Variants in ATP5MJ observed in about 807,000 individuals in gnomAD.
The protein encoded by ATP5MJ is ATP synthase membrane subunit j.
In ATP5MJ, 4 loss-of-function variants were observed where a neutral mutation model predicts 8.3. The observed-to-expected ratio is 0.48, with a 90% CI of 0.24 to 1.11. The LOEUF is 1.11. ATP5MJ is among the 50% of genes least tolerant of loss of function. ATP5MJ has a pLI of 0.18. For synonymous variants in ATP5MJ, 23 were observed against 21.3 expected (o/e 1.08, Z -0.23); for missense variants, 66 against 71.8 (o/e 0.92, Z 0.29).
chr14:103,917,567 G>C (rs2087635381), intron 1 of ATP5MJ, among the ~76,000 whole-genome samples: 1 of 152,066 alleles, frequency 6.6e-6, no homozygotes, highest in African/African-American at 2.4e-5. Flanking sequence ...GCAGCTGGTG[G>C]GGGCTGCAGA....
chr14:103,915,009 C>A (rs2087613816), intron 2 of ATP5MJ, 57 bp downstream of exon 2: 2 of 1,608,804 alleles, frequency 1.2e-6, no homozygotes, highest in Non-Finnish European at 1.7e-6. Context: ...AATTGTGATT[C>A]TTTTTGAAAA....
chr14:103,918,423 G>GC (rs1457110628), intron 1 of ATP5MJ, among the ~76,000 whole-genome samples: 1 of 151,814 alleles, frequency 6.6e-6, no homozygotes, highest in African/African-American at 2.4e-5. Context: ...GTGCAGTGGC[G>GC]GATCTCGGCT....
chr14:103,912,434 A>C lies in ATP5MJ; in HGVS notation c.*232T>G, dbSNP rs577512237. On this transcript the variant is annotated 3_prime_UTR_variant, in exon 4 of 4. Coordinates refer to ENST00000286953, the MANE Select transcript of ATP5MJ (RefSeq NM_004894.3). ...GTGAGATTCTGATTGCATGCGCTGCATGACAAATTATCTACTCAGAGTATG... is the reference window on the plus strand; with the variant it reads ...GTGAGATTCTGATTGCATGCGCTGCCTGACAAATTATCTACTCAGAGTATG... 10 of 526,150 alleles carry C rather than the reference A, an allele frequency of 1.9e-5. No individual in the cohort carries two copies. Among genetic ancestry groups the C allele is most frequent in the African/African-American group, 1.9e-4 (10 of 53,346 alleles). The allele number at this position is 526,150 out of a possible 1,614,324, so 32.6% of individuals were successfully genotyped here.
intron 2 of ATP5MJ, chr14:103,914,858 G>GAAAAAAAGAAAAAAAAA (rs1314714313): frequency 6.1e-6 from 2 of 329,542 alleles, no homozygotes; most frequent in Admixed American, 1.4e-4. Flanking sequence ...AAAAAAAAAA[G>GAAAAAAAGAAAAAAAAA]AAAAGAAAAG....
intron 1 of ATP5MJ, among the ~76,000 whole-genome samples, chr14:103,920,761 C>T (rs1403204208): frequency 6.6e-6 from 1 of 152,194 alleles, no homozygotes; most frequent in Non-Finnish European, 1.5e-5. Flanking sequence ...TGAACCACCG[C>T]GCCCGGCCGG....
intron 3 of ATP5MJ, 55 bp from the exon 4 acceptor site, chr14:103,912,749 A>T: frequency 6.5e-7 from 1 of 1,543,934 alleles, no homozygotes; most frequent in Non-Finnish European, 8.9e-7. Context: ...AACAAGTTGG[A>T]TGTAATTTAT....
chr14:103,912,643 A>C lies in ATP5MJ; in HGVS notation c.*23T>G. The C allele has an allele frequency of 1.2e-6, 2 of 1,613,146 alleles. No homozygotes were observed. Among genetic ancestry groups the C allele is most frequent in the Non-Finnish European group, 1.7e-6 (2 of 1,179,330 alleles). On this transcript the variant is annotated 3_prime_UTR_variant, in exon 4 of 4. Transcript: ENST00000286953. ...TACAGGCAGACTGACGTTTTCTTTC[A>C]CATGTACTCCAAGTAAATCTGGTTA...
Position 103,921,509 on chromosome 14 carries a change from T to G in ATP5MJ, c.-40A>C, listed in dbSNP as rs974798259. 2.0e-5 allele frequency: 3 copies of G among 153,628 alleles called. No individual in the cohort carries two copies. Among genetic ancestry groups the G allele is most frequent in the African/African-American group, 7.2e-5 (3 of 41,476 alleles). The allele number at this position is 153,628 out of a possible 1,614,324, so 9.5% of individuals were successfully genotyped here. A position where few individuals can be genotyped will look rare whatever the true frequency, so the allele number is the denominator to read the frequency against. ...GACGGCTCAGAACGCACCACAAATC[T>G]GCAGCCAACTCGGAAAGGTCACCGA... On this transcript the variant is annotated 5_prime_UTR_variant, in exon 1 of 4. Transcript: ENST00000286953.
chr14:103,920,398 C>G (rs893099035), intron 1 of ATP5MJ, among the ~76,000 whole-genome samples: 1 of 150,266 alleles, frequency 6.7e-6, no homozygotes, highest in Admixed American at 6.7e-5. Context: ...TCCCAAAGTG[C>G]TGGGATTACA....
In ATP5MJ at chr14:103,912,475, G is replaced by T. The variant is rs1019798450; in HGVS notation, c.*191C>A. ...TCAGAGTATGCCTGACACGCCGGAG[G>T]GGCTGAGGGGGAACACACTGAAAGC... On this transcript the variant is annotated 3_prime_UTR_variant, in exon 4 of 4. Transcript: ENST00000286953. 3.0e-5 allele frequency: 19 copies of T among 637,856 alleles called. No individual in the cohort carries two copies. The highest frequency in any genetic ancestry group is 5.3e-5 in the Non-Finnish European group (19 of 358,444). 39.5% of individuals were successfully genotyped at this position (637,856 alleles called of 1,614,324 possible).
chr14:103,920,999 G>A (rs528688621), intron 1 of ATP5MJ: 18 of 1,551,662 alleles, frequency 1.2e-5, no homozygotes, highest in Admixed American at 5.9e-5. Flanking sequence ...ATTCAGCACC[G>A]TATGATCTCT....
At chr14:103,918,954 G>A (rs895996225) in intron 1 of ATP5MJ, among the ~76,000 whole-genome samples, 26 of 151,632 alleles carry the variant, frequency 1.7e-4, no homozygotes, top group African/African-American at 6.3e-4. Flanking sequence ...CCCGGGAGGC[G>A]GAGCTTGCAG....
intron 3 of ATP5MJ, chr14:103,913,274 T>A (rs2087594974): frequency 6.6e-6 from 1 of 150,910 alleles, no homozygotes; most frequent in Non-Finnish European, 1.5e-5. Context: ...GAGCCAAGAT[T>A]GTGCCACTGC....
chr14:103,918,947 G>A (rs1170070246), intron 1 of ATP5MJ, among the ~76,000 whole-genome samples: 2 of 151,734 alleles, frequency 1.3e-5, no homozygotes, highest in Non-Finnish European at 2.9e-5. Context: ...GCGTGAACCC[G>A]GGAGGCGGAG....
Position 103,912,793 on chromosome 14 carries a change from CA to C in ATP5MJ, c.149-100del. Reference sequence around the variant, plus strand: ...TATCAAAAGAAGTTGATCAACAGTCCAAAAAGATAAATGACACCTTTCAATA... The same window carrying C: ...TATCAAAAGAAGTTGATCAACAGTCCAAAAGATAAATGACACCTTTCAATA... On this transcript the variant is annotated intron_variant, in intron 3 of 3. Transcript: ENST00000286953. 1.1e-5 allele frequency: 13 copies of C among 1,213,998 alleles called. 1 individual carries two copies. The South Asian group carries it at 1.6e-4, about 15-fold the overall frequency. 75.2% of individuals were successfully genotyped at this position (1,213,998 alleles called of 1,614,324 possible).
chr14:103,913,794 C>T (rs148559289), intron 3 of ATP5MJ, 167 bp downstream of exon 3: 6 of 745,242 alleles, frequency 8.1e-6, no homozygotes, highest in Non-Finnish European at 1.3e-5. Flanking sequence ...TCAGAATTCT[C>T]TTTCCCAGCA....
chr14:103,920,305 T>A (rs2087665407), intron 1 of ATP5MJ, among the ~76,000 whole-genome samples: 1 of 148,146 alleles, frequency 6.8e-6, no homozygotes, highest in Non-Finnish European at 1.5e-5. Flanking sequence ...GCTAATTTTT[T>A]GTATTTTTGG....
chr14:103,913,799 C>T (rs1209284973), intron 3 of ATP5MJ, 162 bp downstream of exon 3: 6 of 765,122 alleles, frequency 7.8e-6, no homozygotes, highest in East Asian at 5.6e-5. Flanking sequence ...ATTCTCTTTC[C>T]CAGCAGGCAT....
chr14:103,921,045 G>GGA, intron 1 of ATP5MJ: 1 of 1,551,454 alleles, frequency 6.4e-7, no homozygotes, highest in South Asian at 1.2e-5. Context: ...AAGTTGTCAT[G>GGA]TACAGCATAA....
Sources: allele counts gnomAD v4.1 joint callset (sites outside exome capture counted in the v4.1 genomes callset), GRCh38; gene constraint gnomAD v4.1.1; transcripts MANE v1.5; gene names NCBI Gene and HGNC (gene_info 2026-07-23, HGNC 2026-07-21).